NEK7: variants seen among roughly 807,000 people sequenced by gnomAD.
NEK7 encodes the protein NIMA related kinase 7.
In NEK7, 18 loss-of-function variants were observed where a neutral mutation model predicts 44.6. That is an observed-to-expected ratio of 0.40 (90% CI 0.28 to 0.60). NEK7 has a LOEUF of 0.60. Ranked by LOEUF, NEK7 falls within the 20% of genes least tolerant of loss-of-function variation. The probability of loss-of-function intolerance (pLI) is 0.38; values close to 1 mark genes in which losing one functional copy is unlikely to be tolerated. For missense variants in NEK7, 256 were observed against 366.5 expected, an observed-to-expected ratio of 0.70 and a Z score of 2.46; for synonymous variants, 130 against 121.1, an observed-to-expected ratio of 1.07 and a Z score of -0.48.
intron 7 of NEK7, among the ~76,000 whole-genome samples, chr1:198,286,392 A>C (rs1558095100): frequency 6.6e-6 from 1 of 151,902 alleles, no homozygotes; most frequent in African/African-American, 2.4e-5. Flanking sequence ...CACCATCCCA[A>C]AATGATCCAG....
chr1:198,310,038 G>A (rs927104645), intron 9 of NEK7, among the ~76,000 whole-genome samples: 38 of 151,478 alleles, frequency 2.5e-4, no homozygotes, highest in African/African-American at 9.0e-4. Context: ...CACAATGGTT[G>A]AACTAGTTTA....
intron 1 of NEK7, among the ~76,000 whole-genome samples, chr1:198,172,273 T>G (rs1571499939): frequency 6.6e-6 from 1 of 152,300 alleles, no homozygotes. Flanking sequence ...AGCTGTGACT[T>G]TTTATTAAAA....
chr1:198,314,878 G>A (rs1655307738), intron 9 of NEK7, among the ~76,000 whole-genome samples: 1 of 152,196 alleles, frequency 6.6e-6, no homozygotes. Context: ...GGTTACTGCT[G>A]TCCTTTTGTT....
intron 1 of NEK7, among the ~76,000 whole-genome samples, chr1:198,189,293 G>T (rs1665005272): frequency 6.6e-6 from 1 of 152,148 alleles, no homozygotes; most frequent in Non-Finnish European, 1.5e-5. Flanking sequence ...GTCCCTAGTT[G>T]TATGAACTGA....
At chr1:198,248,994 C>G (rs1021080650) in intron 2 of NEK7, among the ~76,000 whole-genome samples, 2 of 151,310 alleles carry the variant, frequency 1.3e-5, no homozygotes, top group Admixed American at 6.6e-5. Flanking sequence ...CACCCATTAA[C>G]ACGTCATTTA....
intron 1 of NEK7, among the ~76,000 whole-genome samples, chr1:198,226,188 G>C (rs1290065900): frequency 1.3e-5 from 2 of 151,876 alleles, no homozygotes; most frequent in African/African-American, 4.8e-5. Flanking sequence ...GTGTTCTGAG[G>C]GCATGATAAG....
intron 5 of NEK7, 112 bp downstream of exon 5, chr1:198,264,347 A>T: frequency 5.7e-6 from 4 of 697,906 alleles, no homozygotes. Context: ...CTCAATGCAA[A>T]GCTTATCTGA....
intron 5 of NEK7, among the ~76,000 whole-genome samples, chr1:198,268,523 G>A (rs1395954135): frequency 6.6e-6 from 1 of 151,984 alleles, no homozygotes; most frequent in African/African-American, 2.4e-5. Context: ...CATTTGGAGA[G>A]AGCGAGAGCT....
At chr1:198,310,204 G>C (rs1275004021) in intron 9 of NEK7, among the ~76,000 whole-genome samples, 1 of 152,180 alleles carries the variant, frequency 6.6e-6, no homozygotes, top group African/African-American at 2.4e-5. Flanking sequence ...GCGATGGTGA[G>C]CATTTTTTCA....
intron 9 of NEK7, among the ~76,000 whole-genome samples, chr1:198,313,163 T>C (rs1358841006): frequency 6.6e-6 from 1 of 152,260 alleles, no homozygotes; most frequent in Non-Finnish European, 1.5e-5. Flanking sequence ...TTAGCTCTTC[T>C]TGTTGAGTTG....
chr1:198,253,022 T>C lies in NEK7; in HGVS notation c.58-18T>C. On this transcript the variant is annotated intron_variant, in intron 2 of 9. Transcript: ENST00000367385. ...TATATTGTGTGATTGAAAATTTTTC[T>C]GACATTTTTAATTACAGAAGGCCTT... 7.5e-6 allele frequency: 12 copies of C among 1,594,944 alleles called. No homozygotes were observed. The highest frequency in any genetic ancestry group is 1.0e-5 in the Non-Finnish European group (12 of 1,170,686).
At chr1:198,284,901 A>G (rs760860848) in intron 7 of NEK7, among the ~76,000 whole-genome samples, 45 of 152,152 alleles carry the variant, frequency 3.0e-4, no homozygotes, top group Non-Finnish European at 5.1e-4. Context: ...ATGGCAATGA[A>G]TACGAGTACT....
At chr1:198,249,901 A>G (rs1652866060) in intron 2 of NEK7, among the ~76,000 whole-genome samples, 1 of 147,010 alleles carries the variant, frequency 6.8e-6, no homozygotes, top group Non-Finnish European at 1.5e-5. Context: ...CCATTTGTCA[A>G]TTTTGGCTTT....
chr1:198,256,852 TTA>T (rs1653283821), intron 3 of NEK7, among the ~76,000 whole-genome samples: 1 of 152,224 alleles, frequency 6.6e-6, no homozygotes, highest in South Asian at 2.1e-4. Context: ...TGTTGGAAGA[TTA>T]TCAAAAACTT....
chr1:198,315,319 A>T (rs527805615), intron 9 of NEK7, among the ~76,000 whole-genome samples: 3 of 152,066 alleles, frequency 2.0e-5, no homozygotes, highest in Admixed American at 2.0e-4. Flanking sequence ...GCACCCACTG[A>T]CCTGCGCCCA....
At chr1:198,216,595 T>C (rs1486276632) in intron 1 of NEK7, among the ~76,000 whole-genome samples, 1 of 151,298 alleles carries the variant, frequency 6.6e-6, no homozygotes, top group African/African-American at 2.4e-5. Flanking sequence ...CAGAACTAAA[T>C]GAAATTAGAA....
At chr1:198,162,539 G>A (rs1406103312) in intron 1 of NEK7, among the ~76,000 whole-genome samples, 1 of 152,130 alleles carries the variant, frequency 6.6e-6, no homozygotes, top group Non-Finnish European at 1.5e-5. Context: ...CTTTGTAAAT[G>A]TATGGTAGCA....
chr1:198,214,795 A>G (rs886860595), intron 1 of NEK7, among the ~76,000 whole-genome samples: 8 of 152,222 alleles, frequency 5.3e-5, no homozygotes, highest in African/African-American at 1.9e-4. Flanking sequence ...GCTTTATTAG[A>G]TATTTAGAAA....
chr1:198,321,380 A>G lies in NEK7; in HGVS notation c.*1858A>G, dbSNP rs1655530497. ...ACTGAGCATCCATAGATATATTCCTAGAAGTATGAGAAGAATTATTCTTAT... is the reference window on the plus strand; with the variant it reads ...ACTGAGCATCCATAGATATATTCCTGGAAGTATGAGAAGAATTATTCTTAT... On this transcript the variant is annotated 3_prime_UTR_variant, in exon 10 of 10. Coordinates refer to ENST00000367385, the MANE Select transcript of NEK7 (RefSeq NM_133494.3). The G allele has an allele frequency of 6.6e-6, 1 of 152,132 alleles. No homozygotes were observed. Among genetic ancestry groups the G allele is most frequent in the South Asian group, 2.1e-4 (1 of 4,830 alleles). The allele number at this position is 152,132 out of a possible 1,614,324, so 9.4% of individuals were successfully genotyped here. A position where few individuals can be genotyped will look rare whatever the true frequency, so the allele number is the denominator to read the frequency against.
Sources: allele counts gnomAD v4.1 joint callset (sites outside exome capture counted in the v4.1 genomes callset), GRCh38; gene constraint gnomAD v4.1.1; transcripts MANE v1.5; gene names NCBI Gene and HGNC (gene_info 2026-07-23, HGNC 2026-07-21).